RARS1: variants seen among roughly 807,000 people sequenced by gnomAD.
The protein encoded by RARS1 is arginine--tRNA ligase, cytoplasmic.
A neutral mutation model predicts 78.7 loss-of-function variants in RARS1; 75 were observed. The observed-to-expected ratio is 0.95, with a 90% confidence interval of 0.79 to 1.15. The LOEUF (loss-of-function observed/expected upper bound fraction) is 1.15, where lower values mean the gene tolerates loss of function less well. Ranked by LOEUF, RARS1 falls within the 50% of genes most tolerant of loss-of-function variation. The pLI is 0.00. For synonymous variants in RARS1, 273 were observed against 268.2 expected (o/e 1.02, Z -0.18); for missense variants, 787 against 787.5 (o/e 1.00, Z 0.01).
chr5:168,496,309 G>A (rs1211184528), intron 6 of RARS1, among the ~76,000 whole-genome samples: 2 of 150,630 alleles, frequency 1.3e-5, no homozygotes, highest in Non-Finnish European at 3.0e-5. Context: ...AACCTGGGAG[G>A]CAGAGATAGC....
chr5:168,516,261 G>C (rs112031493), intron 12 of RARS1, among the ~76,000 whole-genome samples: 83 of 152,258 alleles, frequency 5.5e-4, no homozygotes, highest in African/African-American at 2.0e-3. Context: ...ATGGCCAGAA[G>C]CAAAAATCCT....
In RARS1 at chr5:168,517,412, G is replaced by A. The variant is rs112467769; in HGVS notation, c.1626-403G>A. 1.9e-3 allele frequency among the ~76,000 whole-genome samples: 292 copies of A among 152,232 alleles called. 2 individuals are homozygous for A. Among genetic ancestry groups the A allele is most frequent in the African/African-American group, 6.5e-3 (269 of 41,528 alleles). ...CCCGCCTCGGCCTCCCAAAGTGCTCGGATTACAGGCATGAGCCATCACGCT... is the reference window on the plus strand; with the variant it reads ...CCCGCCTCGGCCTCCCAAAGTGCTCAGATTACAGGCATGAGCCATCACGCT... On this transcript the variant is annotated intron_variant, in intron 13 of 14. Transcript: ENST00000231572.
intron 2 of RARS1, among the ~76,000 whole-genome samples, chr5:168,490,488 C>G (rs1255834470): frequency 6.6e-6 from 1 of 152,084 alleles, no homozygotes; most frequent in African/African-American, 2.4e-5. Flanking sequence ...TGCAGATTAG[C>G]TCTTATATAG....
intron 2 of RARS1, among the ~76,000 whole-genome samples, chr5:168,490,827 C>T (rs754068660): frequency 1.3e-5 from 2 of 152,094 alleles, no homozygotes; most frequent in South Asian, 2.1e-4. Context: ...CATGGTGGTA[C>T]TCCTATCCTT....
At position 168,516,858 on chromosome 5, in the gene RARS1, C is replaced by T. The variant is rs1300086864; in HGVS notation, c.1533C>T (p.Asn511=). ...TCAAATATGCTGACCTTTCCCATAA[C>T]CGGTTGAATGACTACATCTTCTCCT... ...GCIKYADLSH[N]RLNDYIFSFD... is the part of the protein sequence containing the mutation. Residue 511 remains asparagine, a synonymous_variant, in exon 13 of 15, where the codon AAC becomes AAT. Transcript: ENST00000231572. The T allele has an allele frequency of 1.2e-6, 2 of 1,613,954 alleles. No individual in the cohort carries two copies. The highest frequency in any genetic ancestry group is 2.7e-5 in the African/African-American group (2 of 74,892).
Position 168,500,721 on chromosome 5 carries a change from G to C in RARS1, c.952+1G>C. ...CTTATCTGTGATGTCTCCCGCCAAG[G>C]TGAGTTTCTGGGCTTTGTTCCTTCG... On this transcript the variant is annotated splice_donor_variant, in intron 8 of 14. Coordinates refer to ENST00000231572, the MANE Select transcript of RARS1 (RefSeq NM_002887.4). LOFTEE classifies it high-confidence loss of function. The C allele has an allele frequency of 1.9e-6, 3 of 1,609,212 alleles. No homozygotes were observed. The highest frequency in any genetic ancestry group is 2.5e-6 in the Non-Finnish European group (3 of 1,178,618).
chr5:168,494,880 A>G lies in RARS1; in HGVS notation c.579+230A>G, dbSNP rs1758151826. 2.2e-5 allele frequency: 9 copies of G among 417,222 alleles called. 1 individual carries two copies. The highest frequency in any genetic ancestry group is 3.8e-5 in the Non-Finnish European group (9 of 236,334). 25.8% of individuals were successfully genotyped at this position (417,222 alleles called of 1,614,324 possible). A position where few individuals can be genotyped will look rare whatever the true frequency, so the allele number is the denominator to read the frequency against. On this transcript the variant is annotated intron_variant, in intron 5 of 14. Coordinates refer to ENST00000231572, the MANE Select transcript of RARS1 (RefSeq NM_002887.4). ...CTCTAAAAAAGAAAAAGAAAAACGA[A>G]CTGCATGGAAAGTGCTGAAACCGGG...
chr5:168,497,127 A>G, intron 6 of RARS1, 101 bp from the exon 7 acceptor site: 1 of 940,442 alleles, frequency 1.1e-6, no homozygotes, highest in South Asian at 2.8e-5. Context: ...ATGTACTGGC[A>G]TGTAAATATT....
intron 7 of RARS1, chr5:168,498,004 G>C (rs73314846): frequency 2.0e-4 from 31 of 152,214 alleles, no homozygotes; most frequent in African/African-American, 7.0e-4. Flanking sequence ...GAGGCAAGCC[G>C]ATTGCTTGAG....
At chr5:168,511,500 A>G (rs969491074) in intron 12 of RARS1, among the ~76,000 whole-genome samples, 2 of 152,122 alleles carry the variant, frequency 1.3e-5, no homozygotes, top group Non-Finnish European at 2.9e-5. Flanking sequence ...GCACCAAGCC[A>G]TAAGGAATCT....
chr5:168,518,159 C>G (rs553501919), intron 14 of RARS1, 97 bp downstream of exon 14: 2 of 1,310,438 alleles, frequency 1.5e-6, no homozygotes, highest in East Asian at 5.9e-5. Context: ...TCATAGGTCA[C>G]TGAAGCCTCA....
In RARS1 at chr5:168,497,247, T is replaced by G; in HGVS notation, c.721T>G (p.Trp241Gly). 6.3e-7 allele frequency: 1 copy of G among 1,576,730 alleles called. No homozygotes were observed. The highest frequency in any genetic ancestry group is 8.6e-7 in the Non-Finnish European group (1 of 1,159,820). Residue 241 changes from tryptophan (W) to glycine (G), a missense_variant, in exon 7 of 15, where the codon TGG (tryptophan) becomes GGG (glycine). Physicochemically the swap from Trp to Gly is radical, Grantham distance 184. Transcript: ENST00000231572. ...DVLRLNHVGD[W>G]GTQFGMLIAH... ...TGTTAGGTTAAATCATGTAGGAGAC[T>G]GGGGGACCCAGTTTGGCATGCTCAT...
At chr5:168,494,059 G>C (rs887866933) in intron 4 of RARS1, 57 bp downstream of exon 4, 15 of 1,460,282 alleles carry the variant, frequency 1.0e-5, no homozygotes, top group Non-Finnish European at 1.4e-5. Context: ...CCTTTTTGAA[G>C]TTAAAAAAGA....
chr5:168,518,362 C>G (rs1009553081), intron 14 of RARS1, among the ~76,000 whole-genome samples: 10 of 151,828 alleles, frequency 6.6e-5, no homozygotes, highest in African/African-American at 2.4e-4. Context: ...CACTTTTTCC[C>G]TAACAGTTGC....
chr5:168,516,168 C>T (rs1758662417), intron 12 of RARS1, among the ~76,000 whole-genome samples: 1 of 152,164 alleles, frequency 6.6e-6, no homozygotes, highest in South Asian at 2.1e-4. Flanking sequence ...CTAGTGACTT[C>T]AACCAGTTGT....
chr5:168,502,189 C>T, intron 9 of RARS1, 84 bp downstream of exon 9: 1 of 1,497,328 alleles, frequency 6.7e-7, no homozygotes, highest in Non-Finnish European at 8.9e-7. Context: ...ATGCCAGCTT[C>T]ATGTACTCAT....
chr5:168,513,463 G>A (rs1361752529), intron 12 of RARS1, among the ~76,000 whole-genome samples: 1 of 152,094 alleles, frequency 6.6e-6, no homozygotes, highest in Non-Finnish European at 1.5e-5. Context: ...GGGACTACAG[G>A]CACATGCCAA....
At chr5:168,517,006 C>G in intron 13 of RARS1, 56 bp downstream of exon 13, 1 of 1,509,198 alleles carries the variant, frequency 6.6e-7, no homozygotes, top group Non-Finnish European at 9.0e-7. Context: ...TATTTAGTTA[C>G]TCAAAAATAT....
At chr5:168,513,734 G>A (rs1199722255) in intron 12 of RARS1, among the ~76,000 whole-genome samples, 1 of 152,084 alleles carries the variant, frequency 6.6e-6, no homozygotes, top group Non-Finnish European at 1.5e-5. Context: ...TAGACAATCA[G>A]TACTTACATT....
Sources: allele counts gnomAD v4.1 joint callset (sites outside exome capture counted in the v4.1 genomes callset), GRCh38; gene constraint gnomAD v4.1.1; transcripts MANE v1.5; gene names NCBI Gene and HGNC (gene_info 2026-07-23, HGNC 2026-07-21).